Variants in SMAD9 observed in about 807,000 individuals in gnomAD.
The protein encoded by SMAD9 is SMAD family member 9, also known as MAD homolog 9.
SMAD9 carries 36 observed loss-of-function variants against 46.1 expected under a neutral mutation model. The observed-to-expected ratio is 0.78, with a 90% confidence interval of 0.60 to 1.03. SMAD9 has a LOEUF of 1.03. Among genes scored for constraint, SMAD9 ranks in the 50% least tolerant of loss-of-function variants. The pLI, the probability that SMAD9 is intolerant of heterozygous loss-of-function variation, is 0.00. For missense variants in SMAD9, 572 were observed against 599.8 expected, an observed-to-expected ratio of 0.95 and a Z score of 0.48; for synonymous variants, 245 against 237.1, an observed-to-expected ratio of 1.03 and a Z score of -0.31.
In SMAD9 at chr13:36,847,458, A is replaced by G. The variant is rs145720170; in HGVS notation, c.*1218T>C. 7.5e-4 allele frequency: 114 copies of G among 152,302 alleles called. 2 individuals are homozygous for G. The highest frequency in any genetic ancestry group is 2.6e-3 in the African/African-American group (108 of 41,564). 9.4% of individuals were successfully genotyped at this position (152,302 alleles called of 1,614,324 possible). ...TAAGAACAGGTTTTTAATATTGTGT[A>G]TATTTTTAAAAGATGTCTTATTATT... On this transcript the variant is annotated 3_prime_UTR_variant, in exon 7 of 7. Transcript: ENST00000379826.
intron 5 of SMAD9, among the ~76,000 whole-genome samples, chr13:36,859,852 C>T (rs2058162593): frequency 6.6e-6 from 1 of 151,512 alleles, no homozygotes; most frequent in African/African-American, 2.4e-5. Flanking sequence ...CTCAGCTACT[C>T]AGGAGGCTGA....
chr13:36,893,194 A>G (rs1213085536), intron 1 of SMAD9, among the ~76,000 whole-genome samples: 1 of 151,454 alleles, frequency 6.6e-6, no homozygotes, highest in South Asian at 2.1e-4. Flanking sequence ...GAAATGATTA[A>G]TGAAACCAAT....
chr13:36,902,983 G>GT (rs1376061143), intron 1 of SMAD9, among the ~76,000 whole-genome samples: 2 of 152,166 alleles, frequency 1.3e-5, no homozygotes, highest in Non-Finnish European at 2.9e-5. Context: ...TGAAATAAGC[G>GT]TGAGGATGGG....
intron 1 of SMAD9, among the ~76,000 whole-genome samples, chr13:36,911,615 TGGGGGG>T (rs11322701): frequency 0.5 from 42,924 of 85,228 alleles, 9,436 homozygotes; most frequent in African/African-American, 0.56. Context: ...AAAGGCTGCC[TGGGGGG>T]GGGGGGGGCG....
At chr13:36,870,355 C>T (rs569253587) in intron 3 of SMAD9, among the ~76,000 whole-genome samples, 59 of 152,158 alleles carry the variant, frequency 3.9e-4, no homozygotes, top group Non-Finnish European at 7.2e-4. Flanking sequence ...TTTCTTCTTT[C>T]TCAGTGAACT....
chr13:36,878,801 C>T (rs2058371719), intron 2 of SMAD9, among the ~76,000 whole-genome samples: 2 of 151,816 alleles, frequency 1.3e-5, no homozygotes, highest in South Asian at 4.1e-4. Context: ...TAAAACCTTT[C>T]AGGACCCCAA....
At chr13:36,853,927 C>A (rs991636851) in intron 5 of SMAD9, among the ~76,000 whole-genome samples, 1 of 152,116 alleles carries the variant, frequency 6.6e-6, no homozygotes, top group African/African-American at 2.4e-5. Flanking sequence ...GGAAGCCCGA[C>A]GTGGGCAGAT....
At chr13:36,850,265 T>C (rs761117595) in intron 6 of SMAD9, among the ~76,000 whole-genome samples, 10 of 152,366 alleles carry the variant, frequency 6.6e-5, no homozygotes, top group Middle Eastern at 3.4e-3. Context: ...CTTGGTCTTA[T>C]TACTACCTCA....
intron 3 of SMAD9, among the ~76,000 whole-genome samples, chr13:36,867,939 T>C (rs1459746215): frequency 1.3e-5 from 2 of 152,204 alleles, no homozygotes; most frequent in East Asian, 3.8e-4. Context: ...GCAAATGGGA[T>C]GCATTCCGTG....
intron 1 of SMAD9, among the ~76,000 whole-genome samples, chr13:36,895,421 G>A (rs562236670): frequency 1.3e-5 from 2 of 152,176 alleles, no homozygotes; most frequent in African/African-American, 2.4e-5. Flanking sequence ...GGGCTGTCCT[G>A]TGCGTTACAG....
chr13:36,874,811 T>A (rs1398172890), intron 2 of SMAD9, among the ~76,000 whole-genome samples: 1 of 124,430 alleles, frequency 8.0e-6, no homozygotes, highest in African/African-American at 3.2e-5. Context: ...TGAGCCAAGA[T>A]CGCACCACTG....
intron 4 of SMAD9, among the ~76,000 whole-genome samples, chr13:36,867,036 T>C (rs977401505): frequency 6.6e-6 from 1 of 152,182 alleles, no homozygotes; most frequent in African/African-American, 2.4e-5. Flanking sequence ...AACTTCTAAA[T>C]GCTGAGTTAA....
chr13:36,885,353 C>A (rs887087712), intron 1 of SMAD9, among the ~76,000 whole-genome samples: 1 of 151,866 alleles, frequency 6.6e-6, no homozygotes, highest in South Asian at 2.1e-4. Context: ...GTCTTATTAC[C>A]GTACAACTTG....
chr13:36,872,305 T>C (rs1249560922), intron 3 of SMAD9, among the ~76,000 whole-genome samples: 1 of 151,038 alleles, frequency 6.6e-6, no homozygotes, highest in African/African-American at 2.4e-5. Flanking sequence ...ATCTTCCATG[T>C]TGCTTGTCCT....
In SMAD9 at chr13:36,845,841, G is replaced by T. The variant is rs1402023664; in HGVS notation, c.*2835C>A. 6.6e-6 allele frequency: 1 copy of T among 152,182 alleles called. No homozygotes were observed. Among genetic ancestry groups the T allele is most frequent in the Non-Finnish European group, 1.5e-5 (1 of 68,044 alleles). The allele number at this position is 152,182 out of a possible 1,614,324, so 9.4% of individuals were successfully genotyped here. A position where few individuals can be genotyped will look rare whatever the true frequency, so the allele number is the denominator to read the frequency against. Reference sequence around the variant, plus strand: ...GCATCATAATAAAGGCTTTTGATGAGACATGACTGGTGATGATCATATGTG... The same window carrying T: ...GCATCATAATAAAGGCTTTTGATGATACATGACTGGTGATGATCATATGTG... On this transcript the variant is annotated 3_prime_UTR_variant, in exon 7 of 7. Coordinates refer to ENST00000379826, the MANE Select transcript of SMAD9 (RefSeq NM_001127217.3).
chr13:36,917,321 T>G (rs55699938), intron 1 of SMAD9, among the ~76,000 whole-genome samples: 2 of 152,144 alleles, frequency 1.3e-5, no homozygotes, highest in Admixed American at 1.3e-4. Context: ...ACTTAGGACA[T>G]GGACATTCAC....
intron 1 of SMAD9, among the ~76,000 whole-genome samples, chr13:36,886,438 A>G (rs958710642): frequency 3.3e-5 from 5 of 152,268 alleles, no homozygotes; most frequent in Non-Finnish European, 5.9e-5. Context: ...CTCAATCTCC[A>G]AAACGTTGTG....
At chr13:36,851,203 A>G (rs920911683) in intron 6 of SMAD9, among the ~76,000 whole-genome samples, 3 of 152,120 alleles carry the variant, frequency 2.0e-5, no homozygotes, top group Admixed American at 6.5e-5. Flanking sequence ...AGGCCTTGCT[A>G]TGGTTCCCTG....
chr13:36,873,148 G>A (rs771261922), intron 2 of SMAD9, among the ~76,000 whole-genome samples: 7 of 152,080 alleles, frequency 4.6e-5, no homozygotes, highest in African/African-American at 7.2e-5. Context: ...CCTTGTAACC[G>A]GAATCTTAAG....
Sources: allele counts gnomAD v4.1 joint callset (sites outside exome capture counted in the v4.1 genomes callset), GRCh38; gene constraint gnomAD v4.1.1; transcripts MANE v1.5; gene names NCBI Gene and HGNC (gene_info 2026-07-23, HGNC 2026-07-21).